PATJ: variants seen among roughly 807,000 people sequenced by gnomAD.
The protein encoded by PATJ is inaD-like protein.
A neutral mutation model predicts 224.9 loss-of-function variants in PATJ; 190 were observed. The ratio of observed to expected loss-of-function variants is 0.84; its 90% CI spans 0.75 to 0.95. The LOEUF (loss-of-function observed/expected upper bound fraction) is 0.95, where lower values mean the gene tolerates loss of function less well. Ranked by LOEUF, PATJ falls within the 40% of genes least tolerant of loss-of-function variation. The probability of loss-of-function intolerance (pLI) is 0.00; values close to 1 mark genes in which losing one functional copy is unlikely to be tolerated. For synonymous variants in PATJ, 769 were observed against 820.3 expected (o/e 0.94, Z 1.07); for missense variants, 2,121 against 2,270.3 (o/e 0.93, Z 1.34).
intron 27 of PATJ, among the ~76,000 whole-genome samples, chr1:61,954,846 C>G (rs963828903): frequency 2.0e-5 from 3 of 151,600 alleles, no homozygotes; most frequent in Admixed American, 2.0e-4. Flanking sequence ...CTTCTCCTCC[C>G]GGGTTCACAG....
At chr1:61,861,493 T>A (rs531166346) in intron 18 of PATJ, 58 bp from the exon 19 acceptor site, 413 of 626,970 alleles carry the variant, frequency 6.6e-4, no homozygotes, top group Non-Finnish European at 8.3e-4. Context: ...CTCCCTCCCC[T>A]TGCTCCCCAC....
intron 27 of PATJ, among the ~76,000 whole-genome samples, chr1:61,984,627 A>G (rs930967499): frequency 6.6e-6 from 1 of 152,096 alleles, no homozygotes; most frequent in African/African-American, 2.4e-5. Context: ...TCAGAACAAG[A>G]TAGATGCAGG....
intron 28 of PATJ, among the ~76,000 whole-genome samples, chr1:62,015,680 G>A (rs1272076158): frequency 6.6e-6 from 1 of 151,976 alleles, no homozygotes; most frequent in Non-Finnish European, 1.5e-5. Context: ...CTACAGGTGT[G>A]TGCCACCACA....
rs888417254 is a variant in PATJ at position 61,936,248 on chromosome 1, A to G, written c.3670+8419A>G. On this transcript the variant is annotated intron_variant, in intron 27 of 43. Coordinates refer to ENST00000642238, the MANE Select transcript of PATJ (RefSeq NM_001350145.3). ...AAAATATATATACATATATATTTTA[A>G]TTTTTTAAAAAGTAATTCTTATGTG... Among the ~76,000 whole-genome samples, 4 of 151,132 alleles carry G rather than the reference A, an allele frequency of 2.6e-5. No individual in the cohort carries two copies. The East Asian group carries it at 7.7e-4, about 29-fold the overall frequency.
intron 1 of PATJ, among the ~76,000 whole-genome samples, chr1:61,758,343 G>GT (rs1253592543): frequency 6.6e-6 from 1 of 152,062 alleles, no homozygotes; most frequent in South Asian, 2.1e-4. Context: ...ACTTACTGTA[G>GT]TTTTTTTTGT....
chr1:61,760,389 A>G (rs1442615964), intron 1 of PATJ, among the ~76,000 whole-genome samples: 1 of 152,134 alleles, frequency 6.6e-6, no homozygotes, highest in Non-Finnish European at 1.5e-5. Flanking sequence ...GAAAATTTTG[A>G]TTGTATAATA....
chr1:61,874,062 T>G (rs1222076875), intron 20 of PATJ, among the ~76,000 whole-genome samples: 1 of 152,138 alleles, frequency 6.6e-6, no homozygotes, highest in Non-Finnish European at 1.5e-5. Flanking sequence ...TTAGCTGAGT[T>G]AAGGAGCAAA....
intron 31 of PATJ, among the ~76,000 whole-genome samples, chr1:62,071,554 G>A (rs1388803733): frequency 1.4e-5 from 2 of 145,808 alleles, no homozygotes; most frequent in African/African-American, 2.6e-5. Context: ...GTGCAGTGGT[G>A]CAATCTCAGC....
Position 62,096,972 on chromosome 1 carries a change from G to A in PATJ, c.4378-11465G>A, listed in dbSNP as rs186784289. 1.1e-4 allele frequency among the ~76,000 whole-genome samples: 17 copies of A among 152,148 alleles called. 1 individual carries two copies. The East Asian group carries it at 2.1e-3, about 19-fold the overall frequency. ...CCCTTCAAACTTAGTATCTATGTTA[G>A]GAGCTCTCATGAGCAATTACTCAAT... On this transcript the variant is annotated intron_variant, in intron 33 of 43. Transcript: ENST00000642238.
At chr1:62,041,941 C>T (rs569883641) in intron 30 of PATJ, among the ~76,000 whole-genome samples, 1 of 151,874 alleles carries the variant, frequency 6.6e-6, no homozygotes, top group Admixed American at 6.6e-5. Context: ...GAGCCGAGAT[C>T]GTGCCACCGC....
At chr1:61,893,238 T>C (rs1214244356) in intron 22 of PATJ, among the ~76,000 whole-genome samples, 1 of 152,190 alleles carries the variant, frequency 6.6e-6, no homozygotes, top group Non-Finnish European at 1.5e-5. Flanking sequence ...AATGTGTGTA[T>C]ACTAAAACCT....
At position 62,024,601 on chromosome 1, in the gene PATJ, C is replaced by A. The variant is rs533653385; in HGVS notation, c.3959+6654C>A. The stretch of plus-strand genomic sequence containing the variant: ...TCTTTTTTGCTGGTCAATATTTATA[C>A]TATTTGCCCAGTGGAATTCCTGTTT... On this transcript the variant is annotated intron_variant, in intron 29 of 43. Transcript: ENST00000642238. Among the ~76,000 whole-genome samples, 7 of 149,302 alleles carry A rather than the reference C, an allele frequency of 4.7e-5. No individual in the cohort carries two copies. In the South Asian group the frequency reaches 1.5e-3, roughly 32 times the overall value.
At chr1:61,806,618 CAA>C (rs112615750) in intron 13 of PATJ, among the ~76,000 whole-genome samples, 23 of 75,018 alleles carry the variant, frequency 3.1e-4, no homozygotes, top group Admixed American at 3.0e-4. Context: ...GATTCCGCCT[CAA>C]AAAAAAAAAA....
At chr1:61,842,624 G>A (rs1393241906) in intron 17 of PATJ, among the ~76,000 whole-genome samples, 1 of 152,054 alleles carries the variant, frequency 6.6e-6, no homozygotes, top group Non-Finnish European at 1.5e-5. Context: ...CTAAAATGTG[G>A]CCATAAAGGT....
chr1:61,882,927 C>G (rs1405089879), intron 21 of PATJ, among the ~76,000 whole-genome samples: 1 of 152,004 alleles, frequency 6.6e-6, no homozygotes, highest in African/African-American at 2.4e-5. Context: ...CCATAGATAA[C>G]CATGGTGTTG....
intron 1 of PATJ, among the ~76,000 whole-genome samples, chr1:61,748,329 A>C (rs1570220432): frequency 1.7e-5 from 2 of 121,062 alleles, no homozygotes; most frequent in Admixed American, 1.2e-4. Context: ...ATCTCCGCTC[A>C]CTCCAACCTC....
intron 33 of PATJ, chr1:62,100,452 A>T: frequency 1.4e-6 from 1 of 715,058 alleles, no homozygotes; most frequent in Non-Finnish European, 2.6e-6. Flanking sequence ...AACTCTTTTT[A>T]TTAGGAACTC....
At chr1:62,137,726 G>C (rs1296783712) in intron 41 of PATJ, among the ~76,000 whole-genome samples, 1 of 151,814 alleles carries the variant, frequency 6.6e-6, no homozygotes, top group Admixed American at 6.6e-5. Flanking sequence ...AAGCAGGCTT[G>C]TCTGTTCTTC....
At chr1:62,069,892 A>T (rs1255023235) in intron 31 of PATJ, among the ~76,000 whole-genome samples, 2 of 62,336 alleles carry the variant, frequency 3.2e-5, no homozygotes, top group Non-Finnish European at 8.8e-5. Context: ...CATTCTTAAT[A>T]AAAAAATGAA....
Sources: allele counts gnomAD v4.1 joint callset (sites outside exome capture counted in the v4.1 genomes callset), GRCh38; gene constraint gnomAD v4.1.1; transcripts MANE v1.5; gene names NCBI Gene and HGNC (gene_info 2026-07-23, HGNC 2026-07-21).